The following ABCC1 variants were observed in gnomAD, a reference collection of about 807,000 sequenced individuals.
The protein encoded by ABCC1 is multidrug resistance-associated protein 1.
In ABCC1, 83 loss-of-function variants were observed where a neutral mutation model predicts 172.9. That is an observed-to-expected ratio of 0.48 (90% CI 0.40 to 0.58). The LOEUF (loss-of-function observed/expected upper bound fraction) is 0.58, where lower values mean the gene tolerates loss of function less well. ABCC1 is among the 20% of genes least tolerant of loss of function. The pLI, the probability that ABCC1 is intolerant of heterozygous loss-of-function variation, is 0.00. For missense variants in ABCC1, 1,817 were observed against 2,002.7 expected (o/e 0.91, Z 1.77); for synonymous variants, 937 against 825.2 (o/e 1.14, Z -2.32).
chr16:16,071,519 T>A, intron 13 of ABCC1, 123 bp from the exon 14 acceptor site: 1 of 692,296 alleles, frequency 1.4e-6, no homozygotes, highest in Non-Finnish European at 2.5e-6. Context: ...ATGTGGGACC[T>A]TCAGAAATAA....
chr16:16,029,991 A>G (rs1435929025), intron 5 of ABCC1, among the ~76,000 whole-genome samples: 1 of 152,122 alleles, frequency 6.6e-6, no homozygotes, highest in Non-Finnish European at 1.5e-5. Flanking sequence ...GGATTTTTTT[A>G]TGGAAAAGAG....
intron 1 of ABCC1, among the ~76,000 whole-genome samples, chr16:15,972,872 C>T (rs759467855): frequency 9.2e-5 from 13 of 141,036 alleles, no homozygotes; most frequent in South Asian, 6.7e-4. Context: ...AATCTCAGCT[C>T]GCTGCAACCT....
intron 27 of ABCC1, 90 bp downstream of exon 27, chr16:16,132,025 G>A: frequency 8.0e-6 from 12 of 1,497,554 alleles, no homozygotes; most frequent in Non-Finnish European, 1.1e-5. Context: ...CGTCTCCCCA[G>A]TCACTCACGG....
chr16:16,063,237 G>A (rs2049986122), intron 12 of ABCC1, among the ~76,000 whole-genome samples: 1 of 152,174 alleles, frequency 6.6e-6, no homozygotes, highest in Non-Finnish European at 1.5e-5. Context: ...CTCCCGAAGA[G>A]CTGGGATTAC....
chr16:16,006,863 G>A, intron 1 of ABCC1, among the ~76,000 whole-genome samples: 1 of 151,444 alleles, frequency 6.6e-6, no homozygotes. Context: ...CGGTGGCGGT[G>A]GCGGTGGCGG....
intron 5 of ABCC1, among the ~76,000 whole-genome samples, chr16:16,029,125 G>T (rs969291039): frequency 2.0e-5 from 3 of 152,232 alleles, no homozygotes; most frequent in African/African-American, 7.2e-5. Flanking sequence ...AGCCCTGGCT[G>T]TGTATTTGAA....
chr16:16,119,158 C>T (rs1383847863), intron 23 of ABCC1, among the ~76,000 whole-genome samples: 4 of 152,090 alleles, frequency 2.6e-5, no homozygotes, highest in Non-Finnish European at 4.4e-5. Flanking sequence ...ATATGAAGTT[C>T]GGTCGGGTGC....
At chr16:16,071,148 A>G (rs2050331603) in intron 13 of ABCC1, among the ~76,000 whole-genome samples, 1 of 151,896 alleles carries the variant, frequency 6.6e-6, no homozygotes, top group Non-Finnish European at 1.5e-5. Context: ...CAGTGGCATG[A>G]TCTTGGCTCA....
chr16:15,993,456 G>C (rs2046943532), intron 1 of ABCC1, among the ~76,000 whole-genome samples: 1 of 152,156 alleles, frequency 6.6e-6, no homozygotes, highest in Non-Finnish European at 1.5e-5. Flanking sequence ...TAGGGCAGCA[G>C]GGATGATTTT....
chr16:16,135,242 G>A (rs894342823), intron 28 of ABCC1, among the ~76,000 whole-genome samples: 2 of 152,022 alleles, frequency 1.3e-5, no homozygotes, highest in African/African-American at 2.4e-5. Flanking sequence ...CTGATGCTTC[G>A]GCTTCTATGG....
Position 16,086,997 on chromosome 16 carries a change from T to C in ABCC1, c.2460+6T>C. 6.2e-7 allele frequency: 1 copy of C among 1,614,094 alleles called. No individual in the cohort carries two copies. The highest frequency in any genetic ancestry group is 8.5e-7 in the Non-Finnish European group (1 of 1,179,988). ...AGGGGATGCTGAAGAACAAGGTGCC[T>C]GCTGGCGGGGTGGGGCTTGGTGTTG... is the stretch of plus-strand genomic sequence containing the variant. On this transcript the variant is annotated splice_donor_region_variant and intron_variant, in intron 18 of 30. Coordinates refer to ENST00000399410, the MANE Select transcript of ABCC1 (RefSeq NM_004996.4).
intron 29 of ABCC1, among the ~76,000 whole-genome samples, chr16:16,137,767 A>G (rs1389238035): frequency 6.6e-6 from 1 of 151,806 alleles, no homozygotes; most frequent in Non-Finnish European, 1.5e-5. Flanking sequence ...TGTCCAGGCT[A>G]GTCTCAAACT....
chr16:16,104,703 G>A (rs1289140735), intron 20 of ABCC1, among the ~76,000 whole-genome samples: 1 of 152,190 alleles, frequency 6.6e-6, no homozygotes, highest in Admixed American at 6.5e-5. Flanking sequence ...AAGGGACTGG[G>A]CGCCATGGAG....
At chr16:16,121,710 T>C (rs1202010726) in intron 23 of ABCC1, among the ~76,000 whole-genome samples, 1 of 152,210 alleles carries the variant, frequency 6.6e-6, no homozygotes, top group African/African-American at 2.4e-5. Context: ...TTGAATGAAC[T>C]GATGTTTGTA....
Position 16,121,964 on chromosome 16 carries a change from C to T in ABCC1, c.3391-11C>T, listed in dbSNP as rs1198924120. ...CCTTCATCAACTCCCCGCGTCTGTT[C>T]TCTACCCCAGAGGTTCTACGTGGCT... On this transcript the variant is annotated splice_polypyrimidine_tract_variant and intron_variant, in intron 23 of 30. Transcript: ENST00000399410. 6.2e-7 allele frequency: 1 copy of T among 1,614,152 alleles called. No individual in the cohort carries two copies. Among genetic ancestry groups the T allele is most frequent in the African/African-American group, 1.3e-5 (1 of 75,046 alleles).
At chr16:16,064,614 A>G (rs1055757763) in intron 12 of ABCC1, among the ~76,000 whole-genome samples, 6 of 152,210 alleles carry the variant, frequency 3.9e-5, no homozygotes, top group South Asian at 4.1e-4. Flanking sequence ...TTTGGTGGTG[A>G]GATGCCTGAG....
At chr16:16,059,211 G>A (rs2049801244) in intron 12 of ABCC1, among the ~76,000 whole-genome samples, 1 of 152,302 alleles carries the variant, frequency 6.6e-6, no homozygotes, top group Non-Finnish European at 1.5e-5. Flanking sequence ...CACTGAAACG[G>A]AATCTGAGTT....
At chr16:16,095,733 C>A (rs950557111) in intron 19 of ABCC1, among the ~76,000 whole-genome samples, 2 of 151,906 alleles carry the variant, frequency 1.3e-5, no homozygotes, top group African/African-American at 4.8e-5. Flanking sequence ...AGTCTGTTGC[C>A]CAGGCTGGTC....
intron 5 of ABCC1, among the ~76,000 whole-genome samples, chr16:16,022,184 G>A (rs1356337608): frequency 6.6e-6 from 1 of 152,170 alleles, no homozygotes; most frequent in East Asian, 1.9e-4. Context: ...AGCTGGCAGG[G>A]CTGGCTCCTC....
Sources: allele counts gnomAD v4.1 joint callset (sites outside exome capture counted in the v4.1 genomes callset), GRCh38; gene constraint gnomAD v4.1.1; transcripts MANE v1.5; gene names NCBI Gene and HGNC (gene_info 2026-07-23, HGNC 2026-07-21).